DOCK3: variants seen among roughly 807,000 people sequenced by gnomAD.
The protein encoded by DOCK3 is dedicator of cytokinesis 3, also known as dedicator of cytokinesis protein 3.
Under a neutral mutation model 265.6 loss-of-function variants are expected in DOCK3, and 60 were observed. That is an observed-to-expected ratio of 0.23 (90% CI 0.18 to 0.28). The LOEUF (loss-of-function observed/expected upper bound fraction) is 0.28. Ranked by LOEUF, DOCK3 falls within the 10% of genes least tolerant of loss-of-function variation. DOCK3 has a pLI of 1.00. For synonymous variants in DOCK3, 881 were observed against 938.0 expected, an observed-to-expected ratio of 0.94 and a Z score of 1.11; for missense variants, 1,981 against 2,594.3, an observed-to-expected ratio of 0.76 and a Z score of 5.14.
In DOCK3 at chr3:50,944,057, T is replaced by C. The variant is rs188047927; in HGVS notation, c.315+9980T>C. ...ATATGCATAATTGATCTCTATTTGC[T>C]GATATAGGTGATATTTAGCATGTTA... is the stretch of plus-strand genomic sequence containing the variant. On this transcript the variant is annotated intron_variant, in intron 5 of 52. Coordinates refer to ENST00000266037, the MANE Select transcript of DOCK3 (RefSeq NM_004947.5). Among the ~76,000 whole-genome samples, 383 of 152,348 alleles carry C rather than the reference T, an allele frequency of 2.5e-3. 5 individuals are homozygous for C. Among genetic ancestry groups the C allele is most frequent in the African/African-American group, 8.6e-3 (358 of 41,584 alleles).
intron 2 of DOCK3, among the ~76,000 whole-genome samples, chr3:50,836,608 G>T (rs549884535): frequency 5.3e-5 from 8 of 152,146 alleles, no homozygotes; most frequent in Non-Finnish European, 1.0e-4. Context: ...CCTCCTAGGC[G>T]TCTGGGCCTG....
At chr3:51,213,837 C>A (rs2089637500) in intron 13 of DOCK3, among the ~76,000 whole-genome samples, 2 of 152,148 alleles carry the variant, frequency 1.3e-5, no homozygotes, top group South Asian at 4.1e-4. Context: ...GCCAGCTGGA[C>A]CCTAGTTGGA....
Position 51,361,589 on chromosome 3 carries a change from A to G in DOCK3, c.5007-270A>G, listed in dbSNP as rs1393136145. On this transcript the variant is annotated intron_variant, in intron 47 of 52. Coordinates refer to ENST00000266037, the MANE Select transcript of DOCK3 (RefSeq NM_004947.5). The surrounding 1 kb of genome is among the most constrained non-coding windows in gnomAD (Gnocchi z 4.2). ...TTCCTCCTGAGAAACTGCTAATGTC[A>G]TGCAACTGAGTGGCCATAAGCCATG... Among the ~76,000 whole-genome samples the G allele has an allele frequency of 6.6e-6, 1 of 152,130 alleles. No individual in the cohort carries two copies. The highest frequency in any genetic ancestry group is 2.4e-5 in the African/African-American group (1 of 41,422).
At chr3:51,190,297 T>C (rs1576360697) in intron 12 of DOCK3, among the ~76,000 whole-genome samples, 1 of 152,254 alleles carries the variant, frequency 6.6e-6, no homozygotes, top group East Asian at 1.9e-4. Context: ...CTGGTGCTGG[T>C]GAACCTATGC....
At chr3:51,175,219 ACT>A (rs2086878404) in intron 12 of DOCK3, among the ~76,000 whole-genome samples, 1 of 152,102 alleles carries the variant, frequency 6.6e-6, no homozygotes, top group Non-Finnish European at 1.5e-5. Context: ...GGTGGGCGGG[ACT>A]GCTCCTAGAC....
chr3:50,904,197 A>G (rs958372337), intron 4 of DOCK3, among the ~76,000 whole-genome samples: 9 of 152,272 alleles, frequency 5.9e-5, no homozygotes, highest in Middle Eastern at 3.4e-3. Context: ...AGTCTTTGCT[A>G]TTGTGAATAG....
chr3:50,953,004 A>T (rs959251268), intron 5 of DOCK3, among the ~76,000 whole-genome samples: 1 of 152,164 alleles, frequency 6.6e-6, no homozygotes, highest in Non-Finnish European at 1.5e-5. Flanking sequence ...TGTGACTCTT[A>T]TCTTCCTTAG....
chr3:50,981,912 C>T (rs966335526), intron 5 of DOCK3, among the ~76,000 whole-genome samples: 6 of 152,162 alleles, frequency 3.9e-5, no homozygotes, highest in Middle Eastern at 6.8e-3. Context: ...TGCATTGGCA[C>T]GATCTTGGCT....
chr3:50,940,625 C>T (rs965602694), intron 5 of DOCK3, among the ~76,000 whole-genome samples: 17 of 151,786 alleles, frequency 1.1e-4, no homozygotes, highest in Admixed American at 5.3e-4. Flanking sequence ...AGAACTAAAA[C>T]GGTTAAACAA....
intron 2 of DOCK3, among the ~76,000 whole-genome samples, chr3:50,781,389 C>T (rs1365001013): frequency 6.6e-6 from 1 of 151,298 alleles, no homozygotes; most frequent in African/African-American, 2.4e-5. Context: ...CCTCAGCCTC[C>T]TGAGTGGCTG....
At chr3:50,909,587 C>G (rs1441709896) in intron 4 of DOCK3, among the ~76,000 whole-genome samples, 3 of 146,002 alleles carry the variant, frequency 2.1e-5, no homozygotes, top group Admixed American at 7.0e-5. Context: ...TGCTGTTATT[C>G]TGGTGGGCTT....
At position 51,382,362 on chromosome 3, in the gene DOCK3, G is replaced by A. The variant is rs2088704192; in HGVS notation, c.*803G>A. The stretch of plus-strand genomic sequence containing the variant: ...GGTTATCTCCCGCCCTCTGGGGTTT[G>A]AGTGGAGGTATGGAGCCAGAGAGGC... On this transcript the variant is annotated 3_prime_UTR_variant, in exon 53 of 53. Coordinates refer to ENST00000266037, the MANE Select transcript of DOCK3 (RefSeq NM_004947.5). 6.6e-6 allele frequency: 1 copy of A among 152,556 alleles called. No individual in the cohort carries two copies. Among genetic ancestry groups the A allele is most frequent in the African/African-American group, 2.4e-5 (1 of 41,468 alleles). 9.5% of individuals were successfully genotyped at this position (152,556 alleles called of 1,614,324 possible).
chr3:51,094,994 G>A (rs2082783349), intron 9 of DOCK3, among the ~76,000 whole-genome samples: 1 of 148,752 alleles, frequency 6.7e-6, no homozygotes, highest in African/African-American at 2.5e-5. Context: ...TTCAACTCCT[G>A]CTTTTTTTTT....
intron 23 of DOCK3, among the ~76,000 whole-genome samples, chr3:51,262,028 G>C (rs1216527432): frequency 6.6e-6 from 1 of 152,208 alleles, no homozygotes. Flanking sequence ...GCTCTGAAGG[G>C]AATGGGAGAT....
rs182005109 is a variant in DOCK3 at position 51,203,070 on chromosome 3, G to A, written c.1038-5704G>A. ...ACCCACAGCCAATATCATATTGAAC[G>A]GGCAAAAACTGGAAGCATTCCCTTT... On this transcript the variant is annotated intron_variant, in intron 12 of 52. Transcript: ENST00000266037. Among the ~76,000 whole-genome samples, 20 of 152,204 alleles carry A rather than the reference G, an allele frequency of 1.3e-4. No homozygotes were observed. The South Asian group carries it at 1.5e-3, about 11-fold the overall frequency.
chr3:50,679,093 A>G (rs2034201593), intron 1 of DOCK3, among the ~76,000 whole-genome samples: 3 of 152,182 alleles, frequency 2.0e-5, no homozygotes, highest in Non-Finnish European at 2.9e-5. Flanking sequence ...GATTACAGGC[A>G]TGAACCACTG....
chr3:51,254,532 T>A (rs2108688971), intron 22 of DOCK3, among the ~76,000 whole-genome samples: 2 of 152,360 alleles, frequency 1.3e-5, no homozygotes, highest in South Asian at 4.1e-4. Context: ...AAGGACTTGC[T>A]TTATGAATCT....
chr3:50,729,585 G>A (rs187917031), intron 1 of DOCK3, among the ~76,000 whole-genome samples: 2 of 151,738 alleles, frequency 1.3e-5, no homozygotes, highest in Non-Finnish European at 2.9e-5. Context: ...GTCTGGGCAG[G>A]AGTACAGTGG....
At position 50,820,478 on chromosome 3, in the gene DOCK3, C is replaced by T. The variant is rs563219912; in HGVS notation, c.122-21197C>T. On this transcript the variant is annotated intron_variant, in intron 2 of 52. Transcript: ENST00000266037. ...TTAGGATAATAGCCTCCAGCTGCAT[C>T]CATGTTGCTACAAAGGACGTGATTT... Among the ~76,000 whole-genome samples the T allele has an allele frequency of 3.3e-5, 5 of 152,318 alleles. No homozygotes were observed. In the East Asian group the frequency reaches 9.6e-4, roughly 29 times the overall value.
Sources: allele counts gnomAD v4.1 joint callset (sites outside exome capture counted in the v4.1 genomes callset), GRCh38; gene constraint gnomAD v4.1.1; non-coding constraint Gnocchi (gnomAD v3.1); transcripts MANE v1.5; gene names NCBI Gene and HGNC (gene_info 2026-07-23, HGNC 2026-07-21).